The following BRINP1 variants were observed in gnomAD, a reference collection of about 807,000 sequenced individuals.
The protein encoded by BRINP1 is BMP/retinoic acid-inducible neural-specific protein 1.
Under a neutral mutation model 72.9 loss-of-function variants are expected in BRINP1, and 17 were observed. The observed-to-expected ratio is 0.23, with a 90% confidence interval of 0.16 to 0.35. The LOEUF is 0.35. Among genes scored for constraint, BRINP1 ranks in the 10% least tolerant of loss-of-function variants. The pLI, the probability that BRINP1 is intolerant of heterozygous loss-of-function variation, is 1.00. For missense variants in BRINP1, 850 were observed against 1,001.6 expected, an observed-to-expected ratio of 0.85 and a Z score of 2.04; for synonymous variants, 418 against 378.5, an observed-to-expected ratio of 1.10 and a Z score of -1.21.
chr9:119,246,345 C>T (rs996866137), intron 3 of BRINP1, among the ~76,000 whole-genome samples: 1 of 152,174 alleles, frequency 6.6e-6, no homozygotes, highest in Non-Finnish European at 1.5e-5. Context: ...CAGCTGCCAC[C>T]GTGGCTAGAA....
intron 2 of BRINP1, among the ~76,000 whole-genome samples, chr9:119,255,493 G>T (rs1422376249): frequency 6.6e-6 from 1 of 152,148 alleles, no homozygotes; most frequent in Non-Finnish European, 1.5e-5. Context: ...AGATGAGGCT[G>T]GAGAGAAAAT....
chr9:119,237,346 C>CATTATTATTATT (rs34106507), intron 5 of BRINP1, among the ~76,000 whole-genome samples: 19,928 of 144,872 alleles, frequency 0.14, 1,567 homozygotes, highest in African/African-American at 0.16. Context: ...TTTCTTGCTA[C>CATTATTATTATT]ATTATTATTA....
intron 2 of BRINP1, among the ~76,000 whole-genome samples, chr9:119,252,974 T>A (rs566726736): frequency 1.3e-5 from 2 of 152,282 alleles, no homozygotes; most frequent in East Asian, 3.9e-4. Flanking sequence ...AGGTACCCAG[T>A]TTATCCCTCA....
intron 1 of BRINP1, among the ~76,000 whole-genome samples, chr9:119,320,104 T>C (rs1422194083): frequency 6.6e-6 from 1 of 152,108 alleles, no homozygotes; most frequent in East Asian, 1.9e-4. Flanking sequence ...TACAGTTTTA[T>C]TGAGCACAGA....
At chr9:119,338,716 CAAAA>C (rs560291604) in intron 1 of BRINP1, among the ~76,000 whole-genome samples, 3 of 108,542 alleles carry the variant, frequency 2.8e-5, no homozygotes, top group South Asian at 5.7e-4. Context: ...ACTAAAAATA[CAAAA>C]AAAAAAAAAA....
chr9:119,290,711 G>T lies in BRINP1; in HGVS notation c.218+22427C>A, dbSNP rs528640340. Among the ~76,000 whole-genome samples, 4 of 152,150 alleles carry T rather than the reference G, an allele frequency of 2.6e-5. No individual in the cohort carries two copies. In the East Asian group the frequency reaches 7.7e-4, roughly 29 times the overall value. On this transcript the variant is annotated intron_variant, in intron 2 of 7. Coordinates refer to ENST00000265922, the MANE Select transcript of BRINP1 (RefSeq NM_014618.3). ...AATGGAGGGAAGGGCAGCAGCATTTGATTGATATCTGGAAGAGAATCCCAT... is the reference window on the plus strand; with the variant it reads ...AATGGAGGGAAGGGCAGCAGCATTTTATTGATATCTGGAAGAGAATCCCAT...
At position 119,262,409 on chromosome 9, in the gene BRINP1, G is replaced by A. The variant is rs576321111; in HGVS notation, c.219-13259C>T. Among the ~76,000 whole-genome samples, 14 of 152,066 alleles carry A rather than the reference G, an allele frequency of 9.2e-5. 1 individual carries two copies. The East Asian group carries it at 1.9e-3, about 21-fold the overall frequency. ...AGCACTTTGGGAGGTCGAGGCGGGCGGGTCATGAGGTCAGGAGTTCAAGAC... is the reference window on the plus strand; with the variant it reads ...AGCACTTTGGGAGGTCGAGGCGGGCAGGTCATGAGGTCAGGAGTTCAAGAC... On this transcript the variant is annotated intron_variant, in intron 2 of 7. Transcript: ENST00000265922.
intron 7 of BRINP1, among the ~76,000 whole-genome samples, chr9:119,186,894 G>A (rs989998032): frequency 6.6e-6 from 1 of 152,116 alleles, no homozygotes; most frequent in Non-Finnish European, 1.5e-5. Flanking sequence ...AGGGTCCAGA[G>A]TCACCACTAA....
At position 119,168,243 on chromosome 9, in the gene BRINP1, T is replaced by C; in HGVS notation, c.1146-19A>G. ...AATTGTCCTGGGAGATAAAGGAAAA[T>C]TGGAGAAGGTTAGCTACCATGAGTG... On this transcript the variant is annotated intron_variant, in intron 7 of 7. Transcript: ENST00000265922. 6.7e-7 allele frequency: 1 copy of C among 1,483,790 alleles called. No individual in the cohort carries two copies. Among genetic ancestry groups the C allele is most frequent in the Non-Finnish European group, 8.9e-7 (1 of 1,120,266 alleles). 91.9% of individuals were successfully genotyped at this position (1,483,790 alleles called of 1,614,324 possible).
intron 1 of BRINP1, among the ~76,000 whole-genome samples, chr9:119,335,564 G>A (rs1241584467): frequency 6.6e-6 from 1 of 152,138 alleles, no homozygotes; most frequent in Non-Finnish European, 1.5e-5. Context: ...CAATATCAGT[G>A]ATTTGATCAA....
rs367572476 is a variant in BRINP1, at chr9:119,167,929, G to C, written c.1441C>G (p.Leu481Val). The change falls in exon 8 of 8, where the codon CTG (leucine) becomes GTG (valine). Residue 481 changes from leucine (L) to valine (V), a missense_variant. Coordinates refer to ENST00000265922, the MANE Select transcript of BRINP1 (RefSeq NM_014618.3). The surrounding 1 kb of genome is among the most constrained non-coding windows in gnomAD (Gnocchi z 4.3). ...TTCAGCTCCAGGTCCTGGAAGTCCA[G>C]GTCAGTCTCAAAGCTGATGAACTGC... ...SEQFISFETD[L>V]DFQDLELKYL... 6.2e-7 allele frequency: 1 copy of C among 1,614,098 alleles called. No individual in the cohort carries two copies. Among genetic ancestry groups the C allele is most frequent in the Non-Finnish European group, 8.5e-7 (1 of 1,180,056 alleles).
intron 5 of BRINP1, among the ~76,000 whole-genome samples, chr9:119,214,621 G>A (rs1829960150): frequency 6.6e-6 from 1 of 151,232 alleles, no homozygotes; most frequent in African/African-American, 2.4e-5. Flanking sequence ...CTTGCCCTTG[G>A]GGAGTTTACA....
At chr9:119,363,370 T>C (rs1389320998) in intron 1 of BRINP1, among the ~76,000 whole-genome samples, 1 of 152,146 alleles carries the variant, frequency 6.6e-6, no homozygotes, top group Non-Finnish European at 1.5e-5. Flanking sequence ...CTAAAGTGCT[T>C]TGATTAGAGG....
At chr9:119,358,387 TAAAAAAAA>T (rs5900396) in intron 1 of BRINP1, among the ~76,000 whole-genome samples, 1 of 134,114 alleles carries the variant, frequency 7.5e-6, no homozygotes, top group African/African-American at 2.8e-5. Context: ...TTATATGTAT[TAAAAAAAA>T]AAAAAAAAAA....
In BRINP1 at chr9:119,324,303, A is replaced by G. The variant is rs1831217483; in HGVS notation, c.-50-10898T>C. 2.0e-5 allele frequency among the ~76,000 whole-genome samples: 3 copies of G among 152,288 alleles called. No homozygotes were observed. The South Asian group carries it at 6.2e-4, about 32-fold the overall frequency. On this transcript the variant is annotated intron_variant, in intron 1 of 7. Transcript: ENST00000265922. ...TACCAGTCACAAGTCACCAATGGTC[A>G]TGAAGTGAAGAGCAGAAGCCCTACT...
intron 2 of BRINP1, among the ~76,000 whole-genome samples, chr9:119,287,594 C>T (rs1281807076): frequency 1.2e-4 from 19 of 152,192 alleles, no homozygotes; most frequent in South Asian, 2.1e-4. Flanking sequence ...AAAGGACCTA[C>T]GGAATAAAGA....
chr9:119,246,726 T>C (rs924276340), intron 3 of BRINP1, among the ~76,000 whole-genome samples: 11 of 152,310 alleles, frequency 7.2e-5, no homozygotes, highest in East Asian at 1.9e-4. Context: ...CCTTCTCTCA[T>C]ACTGCAGAGG....
Position 119,300,882 on chromosome 9 carries a change from T to C in BRINP1, c.218+12256A>G, listed in dbSNP as rs150666555. ...CACCTTCTTTCTTAAAAGATTCATT[T>C]ATTTTTGCTTCCATGGTACCAGCCA... On this transcript the variant is annotated intron_variant, in intron 2 of 7. Transcript: ENST00000265922. Among the ~76,000 whole-genome samples, 510 of 152,320 alleles carry C rather than the reference T, an allele frequency of 3.3e-3. 11 individuals are homozygous for C. The highest frequency in any genetic ancestry group is 0.027 in the Admixed American group (413 of 15,290).
intron 1 of BRINP1, among the ~76,000 whole-genome samples, chr9:119,336,086 T>C (rs1831342795): frequency 6.6e-6 from 1 of 152,236 alleles, no homozygotes. Flanking sequence ...CATCACCATT[T>C]ACATGTCAGG....
Sources: gnomAD v4.1 joint callset for allele counts (sites outside exome capture counted in the v4.1 genomes callset) on GRCh38, gnomAD v4.1.1 for gene constraint, Gnocchi (gnomAD v3.1) non-coding constraint, MANE v1.5 for transcripts, NCBI Gene and HGNC (gene_info 2026-07-23, HGNC 2026-07-21) for gene names.